The following BRINP3 variants were observed in gnomAD, a reference collection of about 807,000 sequenced individuals.
BRINP3 encodes the protein BMP/retinoic acid inducible neural specific 3.
BRINP3 carries 19 observed loss-of-function variants against 71.0 expected under a neutral mutation model. That is an observed-to-expected ratio of 0.27 (90% CI 0.19 to 0.39). BRINP3 has a LOEUF of 0.39. Ranked by LOEUF, BRINP3 falls within the 10% of genes least tolerant of loss-of-function variation. BRINP3 has a pLI of 1.00. For synonymous variants in BRINP3, 380 were observed against 337.7 expected, an observed-to-expected ratio of 1.13 and a Z score of -1.37; for missense variants, 959 against 940.8, an observed-to-expected ratio of 1.02 and a Z score of -0.25.
intron 3 of BRINP3, among the ~76,000 whole-genome samples, chr1:190,267,594 T>C (rs531200560): frequency 2.0e-4 from 31 of 152,130 alleles, no homozygotes; most frequent in Admixed American, 5.9e-4. Context: ...GTGTTCGTTG[T>C]TTTTTAAAAG....
chr1:190,311,574 TG>T (rs757706771), intron 2 of BRINP3, among the ~76,000 whole-genome samples: 1 of 151,596 alleles, frequency 6.6e-6, no homozygotes, highest in Non-Finnish European at 1.5e-5. Flanking sequence ...TCATAGAATC[TG>T]GGAAGTGATA....
At position 190,281,556 on chromosome 1, in the gene BRINP3, G is replaced by C. The variant is rs761810926; in HGVS notation, c.427+4C>G. On this transcript the variant is annotated splice_donor_region_variant and intron_variant, in intron 3 of 7. Coordinates refer to ENST00000367462, the MANE Select transcript of BRINP3 (RefSeq NM_199051.3). ...CAGGCACAAATAGGTTCAAAGAGCC[G>C]TACCTCCCAGAGTAGCAGATAGCAA... 1 of 1,611,132 alleles carries C rather than the reference G, an allele frequency of 6.2e-7. No homozygotes were observed. The highest frequency in any genetic ancestry group is 1.3e-5 in the African/African-American group (1 of 74,822).
At chr1:190,172,209 A>G (rs1055625398) in intron 6 of BRINP3, among the ~76,000 whole-genome samples, 3 of 150,270 alleles carry the variant, frequency 2.0e-5, no homozygotes, top group Non-Finnish European at 3.0e-5. Context: ...ATAAGTTAAT[A>G]TCAGTGATTT....
chr1:190,163,681 C>T (rs1255824106), intron 6 of BRINP3, among the ~76,000 whole-genome samples: 1 of 151,988 alleles, frequency 6.6e-6, no homozygotes, highest in Admixed American at 6.6e-5. Context: ...TGACAACTTT[C>T]TAATAAATTA....
intron 2 of BRINP3, among the ~76,000 whole-genome samples, chr1:190,431,406 C>T (rs774562183): frequency 2.4e-4 from 37 of 151,948 alleles, no homozygotes; most frequent in Non-Finnish European, 4.7e-4. Flanking sequence ...CTGCCCAGGC[C>T]GGAGTGCAGT....
intron 2 of BRINP3, among the ~76,000 whole-genome samples, chr1:190,299,048 TAGTA>T (rs1316952908): frequency 6.6e-6 from 1 of 152,204 alleles, no homozygotes; most frequent in African/African-American, 2.4e-5. Flanking sequence ...TTTATCATTA[TAGTA>T]AGTGACTGTC....
chr1:190,245,181 G>T (rs1264457220), intron 4 of BRINP3, among the ~76,000 whole-genome samples: 4 of 150,738 alleles, frequency 2.7e-5, no homozygotes, highest in Non-Finnish European at 5.9e-5. Flanking sequence ...AGCATAATTA[G>T]AAAGACAGAA....
At chr1:190,394,119 T>C (rs1671424921) in intron 2 of BRINP3, among the ~76,000 whole-genome samples, 1 of 151,540 alleles carries the variant, frequency 6.6e-6, no homozygotes, top group South Asian at 2.1e-4. Flanking sequence ...ATTGTTCATC[T>C]TAATTAGTAT....
At chr1:190,206,319 CTAAATAAA>C (rs1025445259) in intron 6 of BRINP3, among the ~76,000 whole-genome samples, 2 of 151,576 alleles carry the variant, frequency 1.3e-5, no homozygotes, top group African/African-American at 2.4e-5. Flanking sequence ...TCCTATTCTG[CTAAATAAA>C]TAAATAAATA....
rs150487407 is a variant in BRINP3, at chr1:190,246,253, C to A, written c.619-11776G>T. ...CCACTATATCTTCATCTCCTTACAT[C>A]ATTACCTTCTTGACTATTTCCTCTA... On this transcript the variant is annotated intron_variant, in intron 4 of 7. Transcript: ENST00000367462. Among the ~76,000 whole-genome samples the A allele has an allele frequency of 5.4e-3, 825 of 152,108 alleles. 6 individuals carry two copies. The highest frequency in any genetic ancestry group is 0.018 in the African/African-American group (755 of 41,518).
intron 6 of BRINP3, among the ~76,000 whole-genome samples, chr1:190,219,802 C>A (rs551636055): frequency 1.3e-5 from 2 of 151,458 alleles, no homozygotes; most frequent in Admixed American, 1.3e-4. Context: ...CTCACCACTG[C>A]ACTCCAGCCT....
intron 2 of BRINP3, among the ~76,000 whole-genome samples, chr1:190,352,491 T>C (rs1454779721): frequency 6.6e-6 from 1 of 152,040 alleles, no homozygotes; most frequent in Non-Finnish European, 1.5e-5. Context: ...AATAGGAATC[T>C]AGGTATTATC....
At chr1:190,234,280 T>A in intron 5 of BRINP3, 92 bp downstream of exon 5, 1 of 791,432 alleles carries the variant, frequency 1.3e-6, no homozygotes. Flanking sequence ...CCTGTATGTA[T>A]ATGCAGTTTA....
intron 2 of BRINP3, among the ~76,000 whole-genome samples, chr1:190,411,448 A>T (rs74130741): frequency 0.026 from 4,002 of 152,268 alleles, 182 homozygotes; most frequent in African/African-American, 0.089. Flanking sequence ...AAGAAAGAAA[A>T]TAATAGGCCA....
intron 2 of BRINP3, among the ~76,000 whole-genome samples, chr1:190,366,602 G>T (rs563619390): frequency 6.6e-6 from 1 of 151,858 alleles, no homozygotes; most frequent in African/African-American, 2.4e-5. Context: ...CCATTAACTC[G>T]AAAGTCCTAT....
intron 2 of BRINP3, among the ~76,000 whole-genome samples, chr1:190,301,200 CATACATATATATATATATATAT>C (rs1438048183): frequency 1.1e-5 from 1 of 87,818 alleles, no homozygotes; most frequent in African/African-American, 5.3e-5. Flanking sequence ...TATATATACA[CATACATATATATATATATATAT>C]ATATATATAT....
rs538068280 is a variant in BRINP3, at chr1:190,157,564, C to T, written c.1184+3104G>A. On this transcript the variant is annotated intron_variant, in intron 7 of 7. Transcript: ENST00000367462. The stretch of plus-strand genomic sequence containing the variant: ...TTTGCTTCCTAATTCACCTCATCTT[C>T]TTGCACTTTCTATTTTGGGTAAAAT... Among the ~76,000 whole-genome samples, 71 of 152,144 alleles carry T rather than the reference C, an allele frequency of 4.7e-4. 1 individual carries two copies. Among genetic ancestry groups the T allele is most frequent in the South Asian group, 1.7e-3 (8 of 4,810 alleles).
chr1:190,465,306 A>C (rs1389215706), intron 1 of BRINP3, among the ~76,000 whole-genome samples: 5 of 151,962 alleles, frequency 3.3e-5, no homozygotes, highest in African/African-American at 1.2e-4. Context: ...TGGAAAATCT[A>C]ATTTTAATAT....
intron 7 of BRINP3, among the ~76,000 whole-genome samples, chr1:190,141,287 T>A (rs1272088570): frequency 6.6e-6 from 1 of 151,862 alleles, no homozygotes; most frequent in Non-Finnish European, 1.5e-5. Flanking sequence ...AAAAAGAAGC[T>A]CCTGTTTTTC....
Sources: gnomAD v4.1 joint callset for allele counts (sites outside exome capture counted in the v4.1 genomes callset) on GRCh38, gnomAD v4.1.1 for gene constraint, MANE v1.5 for transcripts, NCBI Gene and HGNC (gene_info 2026-07-23, HGNC 2026-07-21) for gene names.